Variants in SESTD1 observed in about 807,000 individuals in gnomAD.
The protein encoded by SESTD1 is SEC14 domain and spectrin repeat-containing protein 1.
A neutral mutation model predicts 101.7 loss-of-function variants in SESTD1; 43 were observed. The ratio of observed to expected loss-of-function variants is 0.42; its 90% CI spans 0.33 to 0.55. The LOEUF (loss-of-function observed/expected upper bound fraction) is 0.55. Among genes scored for constraint, SESTD1 ranks in the 20% least tolerant of loss-of-function variants. The pLI, the probability that SESTD1 is intolerant of heterozygous loss-of-function variation, is 0.07. For synonymous variants in SESTD1, 283 were observed against 286.8 expected (o/e 0.99, Z 0.13); for missense variants, 647 against 815.1 (o/e 0.79, Z 2.51).
intron 12 of SESTD1, among the ~76,000 whole-genome samples, chr2:179,122,909 A>C (rs1018799999): frequency 1.3e-5 from 2 of 152,176 alleles, no homozygotes; most frequent in Non-Finnish European, 2.9e-5. Context: ...AAAATAAAAT[A>C]ACAAAGGCTG....
chr2:179,159,155 T>C (rs1427559108), intron 5 of SESTD1, among the ~76,000 whole-genome samples: 1 of 152,200 alleles, frequency 6.6e-6, no homozygotes, highest in Non-Finnish European at 1.5e-5. Flanking sequence ...CGCCTAACAA[T>C]CACCTTTATA....
chr2:179,115,254 G>A lies in SESTD1; in HGVS notation c.1650C>T (p.Ser550=), dbSNP rs1234335589. The change falls in exon 16 of 18, where the codon AGC becomes AGT. Residue 550 remains serine, a splice_region_variant and synonymous_variant. Transcript: ENST00000428443. ...GCAACTGCCTGCCATAGTCATAAGTGCTCTAAAAAAGAAAAGGAAACATAA... is the reference window on the plus strand; with the variant it reads ...GCAACTGCCTGCCATAGTCATAAGTACTCTAAAAAAGAAAAGGAAACATAA... ...KHRKFVDVAQ[S]TYDYGRQLLQ... 1 of 1,568,622 alleles carries A rather than the reference G, an allele frequency of 6.4e-7. No homozygotes were observed. The highest frequency in any genetic ancestry group is 1.7e-4 in the Middle Eastern group (1 of 5,846).
At chr2:179,149,556 A>G (rs2045474305) in intron 6 of SESTD1, among the ~76,000 whole-genome samples, 162 bp from the exon 7 acceptor site, 1 of 152,226 alleles carries the variant, frequency 6.6e-6, no homozygotes. Context: ...TACCCAAGAG[A>G]AGACAAAACT....
chr2:179,220,772 C>G (rs149208848), intron 1 of SESTD1, among the ~76,000 whole-genome samples: 2 of 152,296 alleles, frequency 1.3e-5, no homozygotes, highest in Non-Finnish European at 2.9e-5. Context: ...TCCTCTTCTT[C>G]AACTCAGAAT....
intron 17 of SESTD1, among the ~76,000 whole-genome samples, chr2:179,111,955 G>C (rs995916262): frequency 1.3e-5 from 2 of 152,122 alleles, no homozygotes; most frequent in Admixed American, 1.3e-4. Context: ...TCCTGACCTT[G>C]TGATCCGCCC....
chr2:179,187,625 TC>T (rs1465185523), intron 2 of SESTD1, among the ~76,000 whole-genome samples: 2 of 151,954 alleles, frequency 1.3e-5, no homozygotes, highest in African/African-American at 4.8e-5. Context: ...CAGAACGAGA[TC>T]CTGTCTCAAA....
chr2:179,111,912 G>T (rs1196992128), intron 17 of SESTD1, among the ~76,000 whole-genome samples: 1 of 151,978 alleles, frequency 6.6e-6, no homozygotes, highest in Non-Finnish European at 1.5e-5. Context: ...GTAGAGATGG[G>T]TTTTCACCGT....
At chr2:179,259,842 CCA>C (rs2047457393) in intron 1 of SESTD1, among the ~76,000 whole-genome samples, 1 of 152,190 alleles carries the variant, frequency 6.6e-6, no homozygotes, top group South Asian at 2.1e-4. Flanking sequence ...ATTAACTTGT[CCA>C]CAGTCACAAG....
At chr2:179,173,474 A>G (rs1264832412) in intron 4 of SESTD1, among the ~76,000 whole-genome samples, 1 of 152,224 alleles carries the variant, frequency 6.6e-6, no homozygotes, top group Admixed American at 6.5e-5. Flanking sequence ...CACATATATA[A>G]TAGAACACAT....
At chr2:179,110,769 A>G in intron 17 of SESTD1, among the ~76,000 whole-genome samples, 1 of 152,194 alleles carries the variant, frequency 6.6e-6, no homozygotes, top group Non-Finnish European at 1.5e-5. Flanking sequence ...ACAGATTACC[A>G]TTATATTAAT....
intron 1 of SESTD1, among the ~76,000 whole-genome samples, chr2:179,239,612 G>T (rs1287837449): frequency 6.6e-6 from 1 of 152,122 alleles, no homozygotes; most frequent in Admixed American, 6.5e-5. Flanking sequence ...TCTGGGTTTA[G>T]ACCTAGGCAC....
rs2046681028 is a variant in SESTD1 at position 179,213,707 on chromosome 2, A to G, written c.-25-21841T>C. 1.5e-5 allele frequency among the ~76,000 whole-genome samples: 2 copies of G among 135,448 alleles called. 1 individual carries two copies. Among genetic ancestry groups the G allele is most frequent in the Non-Finnish European group, 3.2e-5 (2 of 62,942 alleles). 88.9% of individuals were successfully genotyped at this position (135,448 alleles called of 152,430 possible). A position where few individuals can be genotyped will look rare whatever the true frequency, so the allele number is the denominator to read the frequency against. ...AAGACACATAACTGTCAGATTCACCAAGGTTGAAATGAAGGAAAAAATGTT... is the reference window on the plus strand; with the variant it reads ...AAGACACATAACTGTCAGATTCACCGAGGTTGAAATGAAGGAAAAAATGTT... On this transcript the variant is annotated intron_variant, in intron 1 of 17. Transcript: ENST00000428443.
At chr2:179,193,372 G>T (rs1029804746) in intron 1 of SESTD1, among the ~76,000 whole-genome samples, 1 of 152,014 alleles carries the variant, frequency 6.6e-6, no homozygotes, top group Admixed American at 6.6e-5. Flanking sequence ...ATATTAGCCC[G>T]GCAAACAGAC....
intron 1 of SESTD1, among the ~76,000 whole-genome samples, chr2:179,249,805 C>T (rs1424112839): frequency 6.6e-6 from 1 of 150,438 alleles, no homozygotes; most frequent in Non-Finnish European, 1.5e-5. Flanking sequence ...TGCCCAACTG[C>T]TTTTTGACAA....
intron 1 of SESTD1, among the ~76,000 whole-genome samples, chr2:179,216,516 G>A (rs752174754): frequency 7.4e-6 from 1 of 134,982 alleles, no homozygotes; most frequent in Non-Finnish European, 1.6e-5. Flanking sequence ...CCATGCTCAT[G>A]GATAGGAAGA....
intron 10 of SESTD1, among the ~76,000 whole-genome samples, chr2:179,128,362 G>A (rs1455876976): frequency 6.6e-6 from 1 of 152,158 alleles, no homozygotes; most frequent in Non-Finnish European, 1.5e-5. Flanking sequence ...TCTCTGGGAT[G>A]TGGAGAGCAA....
In SESTD1 at chr2:179,264,626, G is replaced by GGGCGGC. The variant is rs1471557540; in HGVS notation, c.-159_-154dup. On this transcript the variant is annotated 5_prime_UTR_variant, in exon 1 of 18. Transcript: ENST00000428443. ...GGCGGGCTGGGGGCGGAGCGGGCCCGGGCGGCGGCGGCAGCAGCGGCGACG... is the reference window on the plus strand; with the variant it reads ...GGCGGGCTGGGGGCGGAGCGGGCCCGGGCGGCGGCGGCGGCGGCAGCAGCGGCGACG... 27 of 152,540 alleles carry GGGCGGC rather than the reference G, an allele frequency of 1.8e-4. No homozygotes were observed. Among genetic ancestry groups the GGGCGGC allele is most frequent in the African/African-American group, 6.3e-4 (26 of 41,178 alleles). 9.4% of individuals were successfully genotyped at this position (152,540 alleles called of 1,614,324 possible).
chr2:179,123,960 G>A (rs1334922933), intron 11 of SESTD1, 131 bp from the exon 12 acceptor site: 1 of 643,012 alleles, frequency 1.6e-6, no homozygotes, highest in East Asian at 2.8e-5. Context: ...TACAAGACAA[G>A]GACGAATCAT....
intron 1 of SESTD1, among the ~76,000 whole-genome samples, chr2:179,198,295 A>T (rs1229819920): frequency 6.6e-6 from 1 of 152,152 alleles, no homozygotes; most frequent in Non-Finnish European, 1.5e-5. Context: ...GAGCACCCAG[A>T]TTCATAAAGC....
Sources: gnomAD v4.1 joint callset for allele counts (sites outside exome capture counted in the v4.1 genomes callset) on GRCh38, gnomAD v4.1.1 for gene constraint, MANE v1.5 for transcripts, NCBI Gene and HGNC (gene_info 2026-07-23, HGNC 2026-07-21) for gene names.